NTRK3: variants seen among roughly 807,000 people sequenced by gnomAD.
NTRK3 encodes the protein neurotrophic receptor tyrosine kinase 3, also known as NT-3 growth factor receptor.
A neutral mutation model predicts 91.7 loss-of-function variants in NTRK3; 24 were observed. That is an observed-to-expected ratio of 0.26 (90% CI 0.19 to 0.37). NTRK3 has a LOEUF of 0.37. Among genes scored for constraint, NTRK3 ranks in the 10% least tolerant of loss-of-function variants. The probability of loss-of-function intolerance (pLI) is 1.00; values close to 1 mark genes in which losing one functional copy is unlikely to be tolerated. For missense variants in NTRK3, 880 were observed against 1,068.9 expected (o/e 0.82, Z 2.46); for synonymous variants, 483 against 404.0 (o/e 1.20, Z -2.34).
chr15:87,975,557 G>C (rs564581561), intron 14 of NTRK3, among the ~76,000 whole-genome samples: 16 of 152,218 alleles, frequency 1.1e-4, no homozygotes, highest in Non-Finnish European at 2.1e-4. Context: ...GCTGAGGCCA[G>C]TCCAAACTGG....
intron 13 of NTRK3, among the ~76,000 whole-genome samples, chr15:88,073,609 C>T (rs1318414515): frequency 1.3e-5 from 2 of 152,126 alleles, no homozygotes; most frequent in Admixed American, 6.5e-5. Flanking sequence ...TTAACAGCCA[C>T]CCTTAGGCTG....
chr15:88,221,617 C>T (rs1162319751), intron 3 of NTRK3, among the ~76,000 whole-genome samples: 2 of 152,046 alleles, frequency 1.3e-5, no homozygotes, highest in African/African-American at 2.4e-5. Flanking sequence ...ATGGTGGAAC[C>T]TCATCTCTAT....
At chr15:88,220,846 T>A (rs1186005574) in intron 3 of NTRK3, among the ~76,000 whole-genome samples, 1 of 152,156 alleles carries the variant, frequency 6.6e-6, no homozygotes, top group Non-Finnish European at 1.5e-5. Flanking sequence ...TAGGAAGTGA[T>A]CATGGCAGAA....
chr15:88,097,565 G>C (rs1313610595), intron 13 of NTRK3, among the ~76,000 whole-genome samples: 1 of 152,132 alleles, frequency 6.6e-6, no homozygotes, highest in East Asian at 1.9e-4. Context: ...CTAAGGTATA[G>C]GATAATCCTA....
chr15:88,074,305 T>C (rs1235140406), intron 13 of NTRK3, among the ~76,000 whole-genome samples: 1 of 152,256 alleles, frequency 6.6e-6, no homozygotes, highest in Non-Finnish European at 1.5e-5. Context: ...ATTAGAATGA[T>C]GAAGTGCATG....
chr15:87,904,262 T>C (rs1187474254), intron 17 of NTRK3, among the ~76,000 whole-genome samples: 1 of 151,974 alleles, frequency 6.6e-6, no homozygotes, highest in Non-Finnish European at 1.5e-5. Flanking sequence ...GTGCTTCTCC[T>C]GCCTCAGCCT....
rs879080380 is a variant in NTRK3, at chr15:87,863,994, T to TACACACAC, written c.*12933_*12940dup. ...CAAAATACACACACACACACACACA[T>TACACACAC]ACACACACACACACACACACACACA... On this transcript the variant is annotated 3_prime_UTR_variant, in exon 19 of 19. Transcript: ENST00000394480. The TACACACAC allele has an allele frequency of 7.5e-4, 164 of 218,420 alleles. 2 individuals carry two copies. Among genetic ancestry groups the TACACACAC allele is most frequent in the African/African-American group, 3.3e-3 (140 of 42,236 alleles). The allele number at this position is 218,420 out of a possible 1,614,324, so 13.5% of individuals were successfully genotyped here.
chr15:88,196,879 A>C (rs1042603111), intron 3 of NTRK3, among the ~76,000 whole-genome samples: 3 of 152,086 alleles, frequency 2.0e-5, no homozygotes, highest in African/African-American at 7.2e-5. Flanking sequence ...TCTTGTTATC[A>C]CAATATGCAT....
At chr15:88,128,886 T>A in intron 10 of NTRK3, 152 bp from the exon 11 acceptor site, 1 of 735,340 alleles carries the variant, frequency 1.4e-6, no homozygotes, top group Admixed American at 2.0e-5. Context: ...ACATCACCCG[T>A]CTCCCCATGC....
At chr15:87,865,585 T>C (rs2064647022) in exon 19 of NTRK3, 1 of 216,816 alleles carries the variant, frequency 4.6e-6, no homozygotes, top group Non-Finnish European at 9.3e-6. Context: ...AAAATCATTA[T>C]CCCTTCAGAT....
chr15:88,251,416 T>A (rs1442106996), intron 3 of NTRK3, among the ~76,000 whole-genome samples: 1 of 152,112 alleles, frequency 6.6e-6, no homozygotes, highest in Non-Finnish European at 1.5e-5. Flanking sequence ...AAGTCTAGAG[T>A]GCCCTGATGG....
chr15:88,114,583 T>G lies in NTRK3; in HGVS notation c.1396+11688A>C, dbSNP rs146204887. Among the ~76,000 whole-genome samples, 1,401 of 152,294 alleles carry G rather than the reference T, an allele frequency of 9.2e-3. 19 individuals are homozygous for G. The highest frequency in any genetic ancestry group is 0.02 in the Middle Eastern group (6 of 294). The stretch of plus-strand genomic sequence containing the variant: ...TAGATCTCTATGAACTGATACTAAC[T>G]CATCTCAAAGACAGGCTGTTAGCAG... On this transcript the variant is annotated intron_variant, in intron 13 of 18. Transcript: ENST00000394480.
chr15:87,861,292 G>A (rs1419436102), exon 19 of NTRK3: 1 of 217,392 alleles, frequency 4.6e-6, no homozygotes, highest in Non-Finnish European at 9.2e-6. Flanking sequence ...TTCCTCTCAG[G>A]GAACGTAATA....
At chr15:88,083,042 G>A (rs937666723) in intron 13 of NTRK3, among the ~76,000 whole-genome samples, 2 of 152,164 alleles carry the variant, frequency 1.3e-5, no homozygotes, top group African/African-American at 4.8e-5. Context: ...CTGCGGGTGG[G>A]AAAAACCAAT....
intron 17 of NTRK3, among the ~76,000 whole-genome samples, chr15:87,899,040 C>T (rs2066299029): frequency 6.6e-6 from 1 of 152,192 alleles, no homozygotes; most frequent in South Asian, 2.1e-4. Context: ...TACTTACTAA[C>T]ATATCTTGGG....
chr15:88,037,348 G>T (rs2079161544), intron 13 of NTRK3, among the ~76,000 whole-genome samples: 1 of 152,186 alleles, frequency 6.6e-6, no homozygotes, highest in South Asian at 2.1e-4. Context: ...GATCATGTGA[G>T]GTCAGGCATT....
intron 13 of NTRK3, among the ~76,000 whole-genome samples, chr15:88,057,006 T>A (rs2045760410): frequency 6.6e-6 from 1 of 150,866 alleles, no homozygotes; most frequent in South Asian, 2.1e-4. Context: ...CCGTCTCTAC[T>A]AAAAATACAA....
chr15:88,191,334 T>A (rs1228605563), intron 3 of NTRK3, among the ~76,000 whole-genome samples: 2 of 152,112 alleles, frequency 1.3e-5, no homozygotes, highest in South Asian at 4.1e-4. Flanking sequence ...ACTATAGGCA[T>A]GTGTCACCAC....
chr15:88,121,297 C>T (rs1383916704), intron 13 of NTRK3, among the ~76,000 whole-genome samples: 3 of 152,116 alleles, frequency 2.0e-5, no homozygotes, highest in Non-Finnish European at 1.5e-5. Flanking sequence ...GATGATGGTG[C>T]ACTATGGATG....
Sources: gnomAD v4.1 joint callset for allele counts (sites outside exome capture counted in the v4.1 genomes callset) on GRCh38, gnomAD v4.1.1 for gene constraint, MANE v1.5 for transcripts, NCBI Gene and HGNC (gene_info 2026-07-23, HGNC 2026-07-21) for gene names.